Variants in PRKN observed in about 807,000 individuals in gnomAD.
The protein encoded by PRKN is parkin RBR E3 ubiquitin protein ligase.
PRKN carries 56 observed loss-of-function variants against 59.5 expected under a neutral mutation model. That is an observed-to-expected ratio of 0.94 (90% CI 0.76 to 1.18). The LOEUF (loss-of-function observed/expected upper bound fraction) is 1.18. PRKN is among the 50% of genes most tolerant of loss of function. The probability of loss-of-function intolerance (pLI) is 0.00; values close to 1 mark genes in which losing one functional copy is unlikely to be tolerated. For missense variants in PRKN, 657 were observed against 596.4 expected, an observed-to-expected ratio of 1.10 and a Z score of -1.06; for synonymous variants, 250 against 222.1, an observed-to-expected ratio of 1.13 and a Z score of -1.12.
chr6:162,344,192 G>A (rs1325400053), intron 2 of PRKN, among the ~76,000 whole-genome samples: 1 of 152,074 alleles, frequency 6.6e-6, no homozygotes, highest in African/African-American at 2.4e-5. Flanking sequence ...TTTTTTTGAA[G>A]AGCATATTGC....
intron 1 of PRKN, among the ~76,000 whole-genome samples, chr6:162,495,941 A>G (rs770711595): frequency 1.3e-5 from 2 of 152,060 alleles, no homozygotes; most frequent in Admixed American, 6.6e-5. Flanking sequence ...TCACTATACT[A>G]TCTTTCACTA....
At chr6:161,752,587 G>T (rs1788742989) in intron 7 of PRKN, among the ~76,000 whole-genome samples, 1 of 152,076 alleles carries the variant, frequency 6.6e-6, no homozygotes, top group African/African-American at 2.4e-5. Context: ...CAGATACTCA[G>T]GAGGCTGAGG....
In PRKN at chr6:161,362,410, C is replaced by T. The variant is rs1454685723; in HGVS notation, c.1168-2205G>A. ...AGGCCCTAAGGGCACAGGCAGGAGA[C>T]AAAGCCTCCAGCCAGAGCCAGGTGG... On this transcript the variant is annotated intron_variant, in intron 10 of 11. Transcript: ENST00000366898. This position sits in a 1 kb window ranked among gnomAD's most constrained non-coding sequence, Gnocchi z 5.2. 1.3e-5 allele frequency among the ~76,000 whole-genome samples: 2 copies of T among 152,104 alleles called. No individual in the cohort carries two copies. Among genetic ancestry groups the T allele is most frequent in the Non-Finnish European group, 2.9e-5 (2 of 68,030 alleles).
intron 6 of PRKN, among the ~76,000 whole-genome samples, chr6:161,906,301 G>A (rs761890600): frequency 7.9e-5 from 12 of 152,224 alleles, no homozygotes; most frequent in East Asian, 3.9e-4. Context: ...GTCTTAACTC[G>A]TTTACACATT....
At chr6:161,662,964 G>A (rs60785278) in intron 7 of PRKN, among the ~76,000 whole-genome samples, 41,671 of 152,064 alleles carry the variant, frequency 0.27, 6,199 homozygotes, top group African/African-American at 0.4. Context: ...GAAGAAATCC[G>A]GTAGGAGGTA....
rs1245122808 is a variant in PRKN, at chr6:162,523,979, T to C, written c.8-80506A>G. 2.6e-5 allele frequency among the ~76,000 whole-genome samples: 4 copies of C among 152,168 alleles called. No individual in the cohort carries two copies. In the East Asian group the frequency reaches 7.7e-4, roughly 29 times the overall value. On this transcript the variant is annotated intron_variant, in intron 1 of 11. Transcript: ENST00000366898. ...GCTAGATTTCAAAGCAAATCCAGAA[T>C]ACGGGCTTTGCTGGTGACCTTGGAG...
chr6:161,600,595 C>T (rs183563424), intron 7 of PRKN, among the ~76,000 whole-genome samples: 40 of 152,222 alleles, frequency 2.6e-4, no homozygotes, highest in Middle Eastern at 3.4e-3. Context: ...TAGAAAATTA[C>T]GGTTCTGTTG....
intron 4 of PRKN, among the ~76,000 whole-genome samples, chr6:162,140,144 G>A (rs1562536198): frequency 6.6e-6 from 1 of 152,132 alleles, no homozygotes; most frequent in Non-Finnish European, 1.5e-5. Context: ...ATATGATTCT[G>A]AACATTCAAT....
intron 4 of PRKN, among the ~76,000 whole-genome samples, chr6:162,109,657 T>C (rs1467634022): frequency 1.3e-5 from 2 of 152,212 alleles, no homozygotes; most frequent in Non-Finnish European, 1.5e-5. Context: ...CAGTGTGCAC[T>C]CCTCTGCTAT....
In PRKN at chr6:162,432,254, G is replaced by A. The variant is rs184742449; in HGVS notation, c.171+11056C>T. Among the ~76,000 whole-genome samples the A allele has an allele frequency of 2.5e-3, 385 of 152,256 alleles. 2 individuals carry two copies. The highest frequency in any genetic ancestry group is 8.5e-3 in the African/African-American group (354 of 41,538). ...TATAAGAAACCAAGCTTGGCTGGGC[G>A]CCGTGGCTCATGCCTGTAATCTCAG... On this transcript the variant is annotated intron_variant, in intron 2 of 11. Coordinates refer to ENST00000366898, the MANE Select transcript of PRKN (RefSeq NM_004562.3).
At chr6:162,338,307 T>C (rs1439792387) in intron 2 of PRKN, among the ~76,000 whole-genome samples, 3 of 151,684 alleles carry the variant, frequency 2.0e-5, no homozygotes, top group Middle Eastern at 3.2e-3. Flanking sequence ...CTCCCTCTCA[T>C]GCGGAGCCGA....
At chr6:162,116,876 AGATCAAATAAT>A (rs1226745268) in intron 4 of PRKN, among the ~76,000 whole-genome samples, 5 of 152,222 alleles carry the variant, frequency 3.3e-5, no homozygotes, top group African/African-American at 1.2e-4. Flanking sequence ...CAGACTGCAA[AGATCAAATAAT>A]AACAAATTCA....
chr6:162,403,206 A>C (rs1467281545), intron 2 of PRKN, among the ~76,000 whole-genome samples: 1 of 152,002 alleles, frequency 6.6e-6, no homozygotes, highest in Non-Finnish European at 1.5e-5. Flanking sequence ...GCCTTTCGTC[A>C]CTTGTAGCTC....
chr6:161,359,992 C>T lies in PRKN; in HGVS notation c.1285+96G>A. On this transcript the variant is annotated intron_variant, in intron 11 of 11. Coordinates refer to ENST00000366898, the MANE Select transcript of PRKN (RefSeq NM_004562.3). This position sits in a 1 kb window ranked among gnomAD's most constrained non-coding sequence, Gnocchi z 5.4. ...GGTTACCCAACACACCAGGCACCTT[C>T]AGACAGCATCTCCTTTAATCCTGGA... The T allele has an allele frequency of 1.1e-6, 1 of 915,504 alleles. No homozygotes were observed. Among genetic ancestry groups the T allele is most frequent in the East Asian group, 2.4e-5 (1 of 41,810 alleles). The allele number at this position is 915,504 out of a possible 1,614,324, so 56.7% of individuals were successfully genotyped here. A position where few individuals can be genotyped will look rare whatever the true frequency, so the allele number is the denominator to read the frequency against.
At chr6:161,569,331 G>A (rs773427756) in intron 8 of PRKN, 24 bp downstream of exon 8, 4 of 1,603,442 alleles carry the variant, frequency 2.5e-6, no homozygotes, top group South Asian at 2.2e-5. Context: ...ACAGTCTGAT[G>A]CAGCCTTTGA....
intron 5 of PRKN, among the ~76,000 whole-genome samples, chr6:162,007,734 G>A (rs1335875839): frequency 1.3e-5 from 2 of 152,090 alleles, no homozygotes; most frequent in Non-Finnish European, 2.9e-5. Flanking sequence ...AAACGGCTTA[G>A]CATCTCCCAA....
At chr6:161,848,406 A>T (rs1026750530) in intron 6 of PRKN, among the ~76,000 whole-genome samples, 2 of 152,158 alleles carry the variant, frequency 1.3e-5, no homozygotes, top group Non-Finnish European at 2.9e-5. Context: ...TTTTCTTATC[A>T]TAGGGAAATC....
intron 1 of PRKN, among the ~76,000 whole-genome samples, chr6:162,573,653 T>A (rs1294122649): frequency 6.6e-6 from 1 of 152,234 alleles, no homozygotes; most frequent in Non-Finnish European, 1.5e-5. Flanking sequence ...AGTCACATCC[T>A]CTGGTCTACC....
chr6:161,990,543 A>G (rs988733054), intron 5 of PRKN, among the ~76,000 whole-genome samples: 1 of 152,228 alleles, frequency 6.6e-6, no homozygotes, highest in Admixed American at 6.5e-5. Flanking sequence ...GAAACTAAAC[A>G]AAGAGAAAGA....
Sources: allele counts gnomAD v4.1 joint callset (sites outside exome capture counted in the v4.1 genomes callset), GRCh38; gene constraint gnomAD v4.1.1; non-coding constraint Gnocchi (gnomAD v3.1); transcripts MANE v1.5; gene names NCBI Gene and HGNC (gene_info 2026-07-23, HGNC 2026-07-21).